Variants in RELN observed in about 807,000 individuals in gnomAD.
The protein encoded by RELN is reelin.
Under a neutral mutation model 427.6 loss-of-function variants are expected in RELN, and 108 were observed. That is an observed-to-expected ratio of 0.25 (90% CI 0.22 to 0.30). RELN has a LOEUF of 0.30. Among genes scored for constraint, RELN ranks in the 10% least tolerant of loss-of-function variants. RELN has a pLI of 1.00. For missense variants in RELN, 3,715 were observed against 4,302.8 expected, an observed-to-expected ratio of 0.86 and a Z score of 3.82; for synonymous variants, 1,524 against 1,513.4, an observed-to-expected ratio of 1.01 and a Z score of -0.16.
chr7:103,938,175 G>T (rs971676912), intron 1 of RELN, among the ~76,000 whole-genome samples: 1 of 152,042 alleles, frequency 6.6e-6, no homozygotes, highest in African/African-American at 2.4e-5. Context: ...ACAAAAATTA[G>T]CCAGGTGTGG....
chr7:103,757,774 C>A (rs1791197737), intron 4 of RELN, among the ~76,000 whole-genome samples: 2 of 152,090 alleles, frequency 1.3e-5, no homozygotes, highest in Non-Finnish European at 2.9e-5. Context: ...TCAGAGGATA[C>A]TGAATTGAAG....
Position 103,698,287 on chromosome 7 carries a change from C to T in RELN, c.903-194G>A, listed in dbSNP as rs536388926. ...TTAAGATTTTCATATTGAATGATGA[C>T]AGTTCAAGTATTAAATACCTACAAA... On this transcript the variant is annotated intron_variant, in intron 9 of 64. Coordinates refer to ENST00000428762, the MANE Select transcript of RELN (RefSeq NM_005045.4). Among the ~76,000 whole-genome samples, 8 of 152,164 alleles carry T rather than the reference C, an allele frequency of 5.3e-5. No homozygotes were observed. The East Asian group carries it at 1.2e-3, about 22-fold the overall frequency.
At chr7:103,842,640 T>G (rs1793579978) in intron 2 of RELN, among the ~76,000 whole-genome samples, 1 of 152,236 alleles carries the variant, frequency 6.6e-6, no homozygotes. Flanking sequence ...CTAGCACATA[T>G]ACACTGTGTA....
At chr7:103,566,103 C>G in intron 33 of RELN, 121 bp downstream of exon 33, 1 of 854,910 alleles carries the variant, frequency 1.2e-6, no homozygotes, top group Non-Finnish European at 1.9e-6. Flanking sequence ...TCACTGAGAG[C>G]CACCCTCAGC....
chr7:103,569,519 G>T lies in RELN; in HGVS notation c.4588+2665C>A, dbSNP rs1830834241. ...CTCCAATCCTACTAAATCTAAATTT[G>T]CATTTTAACAAGGCTCCCAAATGAT... On this transcript the variant is annotated intron_variant, in intron 31 of 64. Coordinates refer to ENST00000428762, the MANE Select transcript of RELN (RefSeq NM_005045.4). This position sits in a 1 kb window ranked among gnomAD's most constrained non-coding sequence, Gnocchi z 4.0. Among the ~76,000 whole-genome samples the T allele has an allele frequency of 6.6e-6, 1 of 152,206 alleles. No individual in the cohort carries two copies. The highest frequency in any genetic ancestry group is 1.5e-5 in the Non-Finnish European group (1 of 68,042).
In RELN at chr7:103,650,284, T is replaced by C; in HGVS notation, c.1992A>G (p.Ala664=). 1 of 1,596,788 alleles carries C rather than the reference T, an allele frequency of 6.3e-7. No individual in the cohort carries two copies. The highest frequency in any genetic ancestry group is 1.1e-5 in the South Asian group (1 of 90,740). The change falls in exon 16 of 65, where the codon GCA becomes GCG. Residue 664 remains alanine (A), a synonymous_variant. Transcript: ENST00000428762. ...GGCATAAACACTAACCATTATCAAT[T>C]GCCCACATGTTTCCAAGGATTGGTC... ...QTGPILGNMW[A]IDNVYIGPSC... is the part of the protein sequence containing the mutation.
At chr7:103,627,956 A>G (rs920089444) in intron 20 of RELN, 2 of 152,224 alleles carry the variant, frequency 1.3e-5, no homozygotes, top group Non-Finnish European at 2.9e-5. Flanking sequence ...AATGCTCAGC[A>G]ACTTTTGCAT....
chr7:103,845,146 ATT>A (rs35437668), intron 2 of RELN, among the ~76,000 whole-genome samples: 32 of 89,874 alleles, frequency 3.6e-4, no homozygotes, highest in Admixed American at 1.0e-3. Context: ...TCAAAAAAAA[ATT>A]TTTTTTTTTT....
chr7:103,918,677 T>C (rs56406130), intron 1 of RELN, among the ~76,000 whole-genome samples: 16,227 of 152,164 alleles, frequency 0.11, 1,066 homozygotes, highest in South Asian at 0.18. Flanking sequence ...CATATAAAAG[T>C]AGTGCAAGGT....
At chr7:103,981,768 G>A (rs1358384331) in intron 1 of RELN, among the ~76,000 whole-genome samples, 4 of 151,484 alleles carry the variant, frequency 2.6e-5, no homozygotes, top group African/African-American at 9.8e-5. Context: ...AAGGTCACAA[G>A]ATGGTTGTAT....
At chr7:103,734,583 T>C (rs1350695192) in intron 6 of RELN, among the ~76,000 whole-genome samples, 1 of 152,170 alleles carries the variant, frequency 6.6e-6, no homozygotes, top group Non-Finnish European at 1.5e-5. Flanking sequence ...ATTTATCACA[T>C]GCTTAGGTTC....
At chr7:103,607,995 C>T (rs1831857828) in intron 22 of RELN, among the ~76,000 whole-genome samples, 2 of 152,178 alleles carry the variant, frequency 1.3e-5, no homozygotes, top group South Asian at 4.1e-4. Flanking sequence ...TTCTAAGTTG[C>T]CCTATCTAGC....
chr7:103,962,646 T>TTGTGTGTGTGTGTGTGTGTGTGTG (rs57782980), intron 1 of RELN, among the ~76,000 whole-genome samples: 8 of 149,924 alleles, frequency 5.3e-5, no homozygotes, highest in African/African-American at 2.0e-4. Context: ...TCCAAAGTTG[T>TTGTGTGTGTGTGTGTGTGTGTGTG]TGTGTGTGTG....
At chr7:103,894,231 G>A (rs189607732) in intron 2 of RELN, among the ~76,000 whole-genome samples, 118 of 152,126 alleles carry the variant, frequency 7.8e-4, no homozygotes, top group Non-Finnish European at 1.3e-3. Context: ...TCAGCATTTC[G>A]TTATTTATAA....
At chr7:103,753,112 G>A (rs755474114) in intron 5 of RELN, 70 bp downstream of exon 5, 95 of 1,481,342 alleles carry the variant, frequency 6.4e-5, no homozygotes, top group East Asian at 9.1e-5. Context: ...ACATCTGCTC[G>A]TATAGCCAGA....
At chr7:103,923,617 G>A (rs1795662517) in intron 1 of RELN, among the ~76,000 whole-genome samples, 1 of 152,156 alleles carries the variant, frequency 6.6e-6, no homozygotes, top group African/African-American at 2.4e-5. Context: ...ACTCCAATCA[G>A]CCTTTTGTGA....
intron 12 of RELN, among the ~76,000 whole-genome samples, chr7:103,658,530 T>G (rs528760170): frequency 6.6e-6 from 1 of 152,032 alleles, no homozygotes; most frequent in East Asian, 1.9e-4. Flanking sequence ...TACCCTATCC[T>G]TACTCTACCC....
intron 46 of RELN, among the ~76,000 whole-genome samples, chr7:103,529,311 TC>T (rs1829889440): frequency 6.6e-6 from 1 of 152,190 alleles, no homozygotes; most frequent in Non-Finnish European, 1.5e-5. Flanking sequence ...CACCTGGGTT[TC>T]CAAAGTGTAG....
At chr7:103,800,210 G>C (rs1792412102) in intron 3 of RELN, among the ~76,000 whole-genome samples, 1 of 152,098 alleles carries the variant, frequency 6.6e-6, no homozygotes, top group Non-Finnish European at 1.5e-5. Context: ...CCTTTTTGCA[G>C]ATGACATGAT....
Sources: allele counts gnomAD v4.1 joint callset (sites outside exome capture counted in the v4.1 genomes callset), GRCh38; gene constraint gnomAD v4.1.1; non-coding constraint Gnocchi (gnomAD v3.1); transcripts MANE v1.5; gene names NCBI Gene and HGNC (gene_info 2026-07-23, HGNC 2026-07-21).